PGAP1: variants seen among roughly 807,000 people sequenced by gnomAD.
PGAP1 encodes GPI inositol-deacylase.
Under a neutral mutation model 127.0 loss-of-function variants are expected in PGAP1, and 76 were observed. The observed-to-expected ratio is 0.60, with a 90% CI of 0.50 to 0.72. The LOEUF is 0.72. Ranked by LOEUF, PGAP1 falls within the 30% of genes least tolerant of loss-of-function variation. The pLI is 0.00. For missense variants in PGAP1, 982 were observed against 1,071.3 expected (o/e 0.92, Z 1.16); for synonymous variants, 362 against 366.5 (o/e 0.99, Z 0.14).
Position 196,874,021 on chromosome 2 carries a change from G to T in PGAP1, c.1427-263C>A, listed in dbSNP as rs551336586. ...AATTTCAGAAAGGTGTACTTTCTTG[G>T]TAGATCTTTTATTTTACAAGCTTCT... is the stretch of plus-strand genomic sequence containing the variant. On this transcript the variant is annotated intron_variant, in intron 14 of 26. Coordinates refer to ENST00000354764, the MANE Select transcript of PGAP1 (RefSeq NM_024989.4). 2.2e-4 allele frequency: 64 copies of T among 297,246 alleles called. 1 individual carries two copies. Among genetic ancestry groups the T allele is most frequent in the South Asian group, 9.9e-4 (14 of 14,084 alleles). 18.4% of individuals were successfully genotyped at this position (297,246 alleles called of 1,614,324 possible).
chr2:196,893,167 T>A lies in PGAP1; in HGVS notation c.1006A>T (p.Asn336Tyr). 6.3e-7 allele frequency: 1 copy of A among 1,595,872 alleles called. No homozygotes were observed. Among genetic ancestry groups the A allele is most frequent in the African/African-American group, 1.3e-5 (1 of 74,468 alleles). The change falls in exon 8 of 27, where the codon AAT (asparagine) becomes TAT (tyrosine). Residue 336 changes from asparagine (N) to tyrosine (Y), a missense_variant. By Grantham distance (143) the Asn-to-Tyr change is moderately radical. Coordinates refer to ENST00000354764, the MANE Select transcript of PGAP1 (RefSeq NM_024989.4). ...IRHPSKHFEENPAIISDLTGT... is the reference protein window; with the variant it reads ...IRHPSKHFEEYPAIISDLTGT... ...GTTAAGTCAGAAATTATAGCTGGAT[T>A]TTCCTCAAAATGTTTTGATGGGTGT...
chr2:196,875,935 G>T, intron 13 of PGAP1, 114 bp from the exon 14 acceptor site: 2 of 598,646 alleles, frequency 3.3e-6, no homozygotes, highest in Non-Finnish European at 6.0e-6. Context: ...TTTGGAGAAA[G>T]TATCATCTAT....
intron 5 of PGAP1, among the ~76,000 whole-genome samples, chr2:196,899,049 A>G (rs1412293484): frequency 6.6e-6 from 1 of 152,182 alleles, no homozygotes; most frequent in Non-Finnish European, 1.5e-5. Context: ...AGCACCCTTC[A>G]AGAACTAGAG....
chr2:196,911,611 A>T (rs1232200745), intron 4 of PGAP1, among the ~76,000 whole-genome samples: 7 of 65,518 alleles, frequency 1.1e-4, no homozygotes, highest in Non-Finnish European at 2.2e-4. Context: ...TATAATAAAA[A>T]AAAAAAAAAA....
chr2:196,865,030 G>A lies in PGAP1; in HGVS notation c.1818C>T (p.Ile606=), dbSNP rs766105430. 6.4e-7 allele frequency: 1 copy of A among 1,570,548 alleles called. No individual in the cohort carries two copies. The highest frequency in any genetic ancestry group is 1.4e-5 in the African/African-American group (1 of 72,410). The change falls in exon 20 of 27, where the codon ATC becomes ATT. Residue 606 remains isoleucine, a synonymous_variant. Coordinates refer to ENST00000354764, the MANE Select transcript of PGAP1 (RefSeq NM_024989.4). ...ATAACTGTCCTCTATAAGCAAGAAG[G>A]ATATTAGATACGACATAAGCAGGAA... ...GALPAYVVSN[I]LLAYRGQLYS...
intron 20 of PGAP1, among the ~76,000 whole-genome samples, chr2:196,849,261 ATTTTTT>A (rs747641877): frequency 2.1e-4 from 29 of 135,988 alleles, no homozygotes; most frequent in East Asian, 8.4e-4. Context: ...TGTCAGAATA[ATTTTTT>A]TTTTTTTTTT....
chr2:196,898,294 A>G, intron 6 of PGAP1, 23 bp downstream of exon 6: 5 of 1,552,782 alleles, frequency 3.2e-6, no homozygotes, highest in Non-Finnish European at 4.4e-6. Context: ...TCATCAAAAC[A>G]AGTTATACAA....
intron 26 of PGAP1, among the ~76,000 whole-genome samples, chr2:196,841,962 T>G (rs1017670694): frequency 6.6e-5 from 10 of 152,006 alleles, no homozygotes; most frequent in African/African-American, 2.4e-4. Flanking sequence ...ATTCAGTAGT[T>G]CCACTTCTAG....
intron 6 of PGAP1, 118 bp from the exon 7 acceptor site, chr2:196,897,315 CA>C: frequency 2.1e-6 from 1 of 480,492 alleles, no homozygotes. Flanking sequence ...GCTCTAAACT[CA>C]AAAATTATGT....
intron 12 of PGAP1, among the ~76,000 whole-genome samples, chr2:196,880,909 T>C (rs1293406266): frequency 6.6e-6 from 1 of 152,178 alleles, no homozygotes; most frequent in Non-Finnish European, 1.5e-5. Context: ...ATGTGCAAAT[T>C]TGTTACACAG....
At chr2:196,845,335 C>A (rs536294388) in intron 23 of PGAP1, among the ~76,000 whole-genome samples, 1 of 150,468 alleles carries the variant, frequency 6.6e-6, no homozygotes, top group African/African-American at 2.4e-5. Context: ...AGAGAATACA[C>A]TTGTATTACC....
In PGAP1 at chr2:196,838,547, T is replaced by C. The variant is rs1458461282; in HGVS notation, c.*2687A>G. 1 of 152,240 alleles carries C rather than the reference T, an allele frequency of 6.6e-6. No homozygotes were observed. 9.4% of individuals were successfully genotyped at this position (152,240 alleles called of 1,614,324 possible). ...TGAAGACCCTGTCAAAATGTAAGTG[T>C]ATACATATGTGTCTGTATATATACA... is the stretch of plus-strand genomic sequence containing the variant. On this transcript the variant is annotated 3_prime_UTR_variant, in exon 27 of 27. Coordinates refer to ENST00000354764, the MANE Select transcript of PGAP1 (RefSeq NM_024989.4).
chr2:196,875,875 G>C (rs1483891543), intron 13 of PGAP1, 54 bp from the exon 14 acceptor site: 2 of 917,696 alleles, frequency 2.2e-6, no homozygotes, highest in African/African-American at 3.4e-5. Context: ...TTACAGTAAA[G>C]TATCTTTACT....
chr2:196,852,884 G>A (rs1341923528), intron 20 of PGAP1, among the ~76,000 whole-genome samples: 1 of 152,140 alleles, frequency 6.6e-6, no homozygotes, highest in African/African-American at 2.4e-5. Context: ...AAAGGTCTGA[G>A]TAAGTCATGA....
At chr2:196,886,217 G>A (rs1289273227) in intron 10 of PGAP1, among the ~76,000 whole-genome samples, 4 of 142,950 alleles carry the variant, frequency 2.8e-5, no homozygotes, top group Non-Finnish European at 4.5e-5. Flanking sequence ...CTGGAGTACA[G>A]TGGCACGACC....
chr2:196,847,961 A>T lies in PGAP1; in HGVS notation c.1938T>A (p.Ile646=). The T allele has an allele frequency of 6.3e-7, 1 of 1,587,456 alleles. No individual in the cohort carries two copies. The highest frequency in any genetic ancestry group is 8.6e-7 in the Non-Finnish European group (1 of 1,168,916). ...ATAAAACTTACCCCAACAGAAACTT[A>T]ATGATAATTACAAAAGGATCAACTT... ...PYKVDPFVII[I]KFLLGYKWFK... Residue 646 remains isoleucine, a synonymous_variant, in exon 21 of 27, where the codon ATT becomes ATA. Transcript: ENST00000354764.
chr2:196,889,854 G>T lies in PGAP1; in HGVS notation c.1173+974C>A, dbSNP rs573507104. Among the ~76,000 whole-genome samples, 6 of 119,470 alleles carry T rather than the reference G, an allele frequency of 5.0e-5. No homozygotes were observed. In the South Asian group the frequency reaches 1.6e-3, roughly 33 times the overall value. The allele number at this position is 119,470 out of a possible 152,430, so 78.4% of individuals were successfully genotyped here. On this transcript the variant is annotated intron_variant, in intron 10 of 26. Transcript: ENST00000354764. ...AGCCTGGGTGACAGAGCAAGACTCC[G>T]TCTCAAAAAAAAAAAAAAAAAAAAG... is the stretch of plus-strand genomic sequence containing the variant.
At chr2:196,869,527 G>T (rs1701346150) in intron 19 of PGAP1, among the ~76,000 whole-genome samples, 1 of 152,110 alleles carries the variant, frequency 6.6e-6, no homozygotes. Flanking sequence ...ATAGAGACGG[G>T]GTTTCACCGT....
intron 12 of PGAP1, among the ~76,000 whole-genome samples, chr2:196,882,961 C>T (rs983663641): frequency 6.6e-6 from 1 of 152,118 alleles, no homozygotes; most frequent in Non-Finnish European, 1.5e-5. Context: ...CCAGCTTTTG[C>T]CCATTCAGTA....
Sources: allele counts gnomAD v4.1 joint callset (sites outside exome capture counted in the v4.1 genomes callset), GRCh38; gene constraint gnomAD v4.1.1; transcripts MANE v1.5; gene names NCBI Gene and HGNC (gene_info 2026-07-23, HGNC 2026-07-21).